The following ATG10 variants were observed in gnomAD, a reference collection of about 807,000 sequenced individuals.
ATG10 encodes autophagy related 10.
ATG10 carries 30 observed loss-of-function variants against 32.1 expected under a neutral mutation model. The observed-to-expected ratio is 0.94, with a 90% confidence interval of 0.70 to 1.27. ATG10 has a LOEUF of 1.27. Among genes scored for constraint, ATG10 ranks in the 50% most tolerant of loss-of-function variants. The pLI is 0.00. For missense variants in ATG10, 233 were observed against 262.3 expected, an observed-to-expected ratio of 0.89 and a Z score of 0.77; for synonymous variants, 87 against 91.5, an observed-to-expected ratio of 0.95 and a Z score of 0.28.
chr5:81,989,785 G>T (rs1035628600), intron 2 of ATG10, among the ~76,000 whole-genome samples: 1 of 151,824 alleles, frequency 6.6e-6, no homozygotes. Context: ...AATATTTTTA[G>T]TAGAGACAGG....
At chr5:82,216,797 C>T (rs1745698101) in intron 5 of ATG10, among the ~76,000 whole-genome samples, 1 of 152,112 alleles carries the variant, frequency 6.6e-6, no homozygotes, top group Admixed American at 6.5e-5. Context: ...TGGCTCATGC[C>T]TGTAATCCCA....
At chr5:82,019,328 T>C (rs73768607) in intron 2 of ATG10, among the ~76,000 whole-genome samples, 11,074 of 152,120 alleles carry the variant, frequency 0.073, 1,307 homozygotes, top group African/African-American at 0.25. Context: ...TTTTCTATAA[T>C]GATATGCAGC....
intron 3 of ATG10, among the ~76,000 whole-genome samples, chr5:82,095,250 T>G (rs1043443235): frequency 6.6e-6 from 1 of 152,152 alleles, no homozygotes; most frequent in Non-Finnish European, 1.5e-5. Context: ...GAGCCCTCAC[T>G]TTTGCCTTTG....
chr5:82,242,336 C>CA (rs1746839134), intron 5 of ATG10, among the ~76,000 whole-genome samples: 2 of 151,764 alleles, frequency 1.3e-5, no homozygotes, highest in South Asian at 4.2e-4. Context: ...TAGCAAAAAA[C>CA]AAGAAAGAAA....
intron 3 of ATG10, among the ~76,000 whole-genome samples, chr5:82,141,233 TAAA>T (rs372244370): frequency 4.2e-5 from 6 of 141,208 alleles, no homozygotes; most frequent in Admixed American, 2.8e-4. Flanking sequence ...AAAAATAAAT[TAAA>T]AAAAAAAAAA....
At chr5:82,167,196 A>AT (rs2149904421) in intron 4 of ATG10, among the ~76,000 whole-genome samples, 1 of 152,314 alleles carries the variant, frequency 6.6e-6, no homozygotes, top group Non-Finnish European at 1.5e-5. Flanking sequence ...ATGTCATGTC[A>AT]TATCATATCA....
At chr5:82,095,434 A>G (rs1004371841) in intron 3 of ATG10, among the ~76,000 whole-genome samples, 2 of 152,200 alleles carry the variant, frequency 1.3e-5, no homozygotes, top group Admixed American at 6.6e-5. Context: ...GGGAATAAGA[A>G]TAGTTTTTAC....
At position 82,166,758 on chromosome 5, in the gene ATG10, G is replaced by A. The variant is rs574306223; in HGVS notation, c.355+2221G>A. Among the ~76,000 whole-genome samples the A allele has an allele frequency of 5.9e-5, 9 of 152,068 alleles. No homozygotes were observed. In the South Asian group the frequency reaches 1.0e-3, roughly 18 times the overall value. Reference sequence around the variant, plus strand: ...TTATTCCAGGCCCGGATTTTTCTTTGTCTCATTCTAAGAGAGTTCCGACCT... The same window carrying A: ...TTATTCCAGGCCCGGATTTTTCTTTATCTCATTCTAAGAGAGTTCCGACCT... On this transcript the variant is annotated intron_variant, in intron 4 of 7. Transcript: ENST00000282185.
intron 3 of ATG10, among the ~76,000 whole-genome samples, chr5:82,094,591 G>GTTTTAAAAAGTATTTTTTAAATAAAAAT (rs1764992911): frequency 3.9e-5 from 6 of 151,948 alleles, no homozygotes; most frequent in Admixed American, 1.3e-4. Flanking sequence ...ACGCTCATAA[G>GTTTTAAAAAGTATTTTTTAAATAAAAAT]TTTTAAAAAG....
intron 3 of ATG10, among the ~76,000 whole-genome samples, chr5:82,139,855 C>G (rs1232454797): frequency 7.0e-6 from 1 of 143,346 alleles, no homozygotes; most frequent in Non-Finnish European, 1.5e-5. Flanking sequence ...GGTCAGCCCC[C>G]CCACCCGGCC....
At chr5:82,220,811 G>T (rs1481674042) in intron 5 of ATG10, among the ~76,000 whole-genome samples, 1 of 151,392 alleles carries the variant, frequency 6.6e-6, no homozygotes. Context: ...GCCCAGGCTG[G>T]AGTACAGTAG....
intron 2 of ATG10, among the ~76,000 whole-genome samples, chr5:82,048,797 A>G (rs1763307121): frequency 6.6e-6 from 1 of 152,254 alleles, no homozygotes; most frequent in Admixed American, 6.5e-5. Context: ...ACATGAAACA[A>G]TGCTCACCAT....
chr5:82,004,305 A>C (rs1038238587), intron 2 of ATG10, among the ~76,000 whole-genome samples: 3 of 152,208 alleles, frequency 2.0e-5, no homozygotes, highest in Non-Finnish European at 4.4e-5. Context: ...CAGTCTTTGC[A>C]TTACTAAAAA....
Position 82,095,470 on chromosome 5 carries a change from G to A in ATG10, c.216+36868G>A, listed in dbSNP as rs144072166. Among the ~76,000 whole-genome samples, 29 of 152,260 alleles carry A rather than the reference G, an allele frequency of 1.9e-4. No homozygotes were observed. In the East Asian group the frequency reaches 5.4e-3, roughly 28 times the overall value. On this transcript the variant is annotated intron_variant, in intron 3 of 7. Coordinates refer to ENST00000282185, the MANE Select transcript of ATG10 (RefSeq NM_031482.5). ...CAGGCATAAAATCCACTTGGATTAT[G>A]GGATGAGTTTATTATTATCATGGTG...
At chr5:82,234,932 A>G (rs1034390930) in intron 5 of ATG10, among the ~76,000 whole-genome samples, 17 of 152,172 alleles carry the variant, frequency 1.1e-4, no homozygotes, top group African/African-American at 4.1e-4. Flanking sequence ...AATTTAAACT[A>G]ATTATAAACA....
chr5:82,071,303 C>A (rs550673724), intron 3 of ATG10, among the ~76,000 whole-genome samples: 30 of 152,228 alleles, frequency 2.0e-4, no homozygotes, highest in Non-Finnish European at 2.9e-4. Context: ...AGCAGGCATC[C>A]TGATAAGTCA....
chr5:82,032,108 G>A, intron 2 of ATG10, among the ~76,000 whole-genome samples: 1 of 152,214 alleles, frequency 6.6e-6, no homozygotes, highest in Non-Finnish European at 1.5e-5. Context: ...GGACCAATGA[G>A]AGACTCTGGT....
At chr5:81,982,494 A>C (rs1295586959) in intron 1 of ATG10, among the ~76,000 whole-genome samples, 1 of 152,020 alleles carries the variant, frequency 6.6e-6, no homozygotes, top group Non-Finnish European at 1.5e-5. Context: ...TGACATGAGG[A>C]GCGCTGACTC....
At chr5:82,054,215 T>G (rs539958838) in intron 2 of ATG10, among the ~76,000 whole-genome samples, 1 of 152,314 alleles carries the variant, frequency 6.6e-6, no homozygotes, top group South Asian at 2.1e-4. Flanking sequence ...GTGGTTCTAA[T>G]GTGCAGCTTG....
Sources: allele counts gnomAD v4.1 joint callset (sites outside exome capture counted in the v4.1 genomes callset), GRCh38; gene constraint gnomAD v4.1.1; transcripts MANE v1.5; gene names NCBI Gene and HGNC (gene_info 2026-07-23, HGNC 2026-07-21).